HYDIN: variants seen among roughly 807,000 people sequenced by gnomAD.
The protein encoded by HYDIN is axonemal central pair apparatus protein HYDIN.
Under a neutral mutation model 403.9 loss-of-function variants are expected in HYDIN, and 132 were observed. The ratio of observed to expected loss-of-function variants is 0.33; its 90% CI spans 0.28 to 0.38. The LOEUF (loss-of-function observed/expected upper bound fraction) is 0.38, where lower values mean the gene tolerates loss of function less well. HYDIN is among the 10% of genes least tolerant of loss of function. The pLI is 1.00. For synonymous variants in HYDIN, 1,202 were observed against 1,891.7 expected (o/e 0.64, Z 9.46); for missense variants, 2,827 against 5,009.5 (o/e 0.56, Z 13.15).
Position 70,860,715 on chromosome 16 carries a change from A to G in HYDIN, c.11964T>C (p.Thr3988=). 1.8e-6 allele frequency: 1 copy of G among 551,202 alleles called. No individual in the cohort carries two copies. The highest frequency in any genetic ancestry group is 3.1e-6 in the Non-Finnish European group (1 of 322,084). 34.1% of individuals were successfully genotyped at this position (551,202 alleles called of 1,614,324 possible). A position where few individuals can be genotyped will look rare whatever the true frequency, so the allele number is the denominator to read the frequency against. ...DPNTRVIEFT[T]VGIGGKNLRT... The stretch of plus-strand genomic sequence containing the variant: ...GGAGATTCTTCCCTCCTATGCCCAC[A>G]GTGGTGAACTCAATCACCCGGGTGT... Residue 3988 remains threonine (T), a synonymous_variant, in exon 70 of 86, where the codon ACT becomes ACC. Coordinates refer to ENST00000393567, the MANE Select transcript of HYDIN (RefSeq NM_001270974.2).
At chr16:70,812,697 T>G (rs2035583344) in intron 84 of HYDIN, among the ~76,000 whole-genome samples, 1 of 152,216 alleles carries the variant, frequency 6.6e-6, no homozygotes, top group Non-Finnish European at 1.5e-5. Context: ...TAAATGCTAT[T>G]GAGAGAAATT....
At chr16:70,909,727 G>T (rs933102516) in intron 47 of HYDIN, among the ~76,000 whole-genome samples, 1 of 119,490 alleles carries the variant, frequency 8.4e-6, no homozygotes, top group African/African-American at 3.3e-5. Flanking sequence ...ATAGAGTCTC[G>T]CTTTGTCGCC....
intron 43 of HYDIN, among the ~76,000 whole-genome samples, chr16:70,940,784 C>G (rs2077646878): frequency 6.6e-6 from 1 of 152,200 alleles, no homozygotes; most frequent in African/African-American, 2.4e-5. Context: ...TAAGTATTTC[C>G]TTAATTGGAA....
At chr16:70,996,263 C>G (rs200937898) in intron 23 of HYDIN, among the ~76,000 whole-genome samples, 11,958 of 143,474 alleles carry the variant, frequency 0.083, no homozygotes, top group African/African-American at 0.11. Context: ...ACCTCAAGAA[C>G]CACACTCTCG....
At chr16:71,102,655 G>A (rs1480190509) in intron 10 of HYDIN, among the ~76,000 whole-genome samples, 1 of 151,972 alleles carries the variant, frequency 6.6e-6, no homozygotes, top group East Asian at 1.9e-4. Flanking sequence ...TGACAAGACA[G>A]ATTTGTTTCG....
At chr16:70,993,312 G>A (rs1370121361) in intron 23 of HYDIN, among the ~76,000 whole-genome samples, 2 of 152,028 alleles carry the variant, frequency 1.3e-5, no homozygotes, top group Non-Finnish European at 2.9e-5. Context: ...CACATCTGTG[G>A]AACTATCACC....
At chr16:71,017,232 C>T (rs1449764066) in intron 23 of HYDIN, among the ~76,000 whole-genome samples, 3 of 151,066 alleles carry the variant, frequency 2.0e-5, no homozygotes, top group African/African-American at 4.9e-5. Context: ...CACCTGTAAT[C>T]CCAGCTACTT....
intron 77 of HYDIN, among the ~76,000 whole-genome samples, chr16:70,837,163 T>C (rs928697909): frequency 2.6e-5 from 4 of 152,150 alleles, no homozygotes; most frequent in African/African-American, 9.7e-5. Flanking sequence ...TCCCTTTCTA[T>C]CCAGAGTGCC....
At chr16:70,859,865 G>T (rs2039294269) in intron 71 of HYDIN, among the ~76,000 whole-genome samples, 1 of 152,030 alleles carries the variant, frequency 6.6e-6, no homozygotes, top group African/African-American at 2.4e-5. Flanking sequence ...GCTTCTCCAT[G>T]GCTAGCCAAG....
intron 57 of HYDIN, among the ~76,000 whole-genome samples, chr16:70,890,930 G>A (rs974954104): frequency 2.0e-5 from 3 of 150,534 alleles, no homozygotes; most frequent in Non-Finnish European, 3.0e-5. Flanking sequence ...GCACTGCTAC[G>A]ATTTCTTTTG....
rs10639036 is a variant in HYDIN at position 71,152,231 on chromosome 16, A to AT, written c.841+427dup. On this transcript the variant is annotated intron_variant, in intron 7 of 85. Transcript: ENST00000393567. ...CACATCATTTCTACTGGAGGCATTC[A>AT]TTTTTTTTTTTTTATCTTGTGGATC... Among the ~76,000 whole-genome samples the AT allele has an allele frequency of 9.4e-4, 136 of 145,066 alleles. No individual in the cohort carries two copies. The Middle Eastern group carries it at 0.011, about 11-fold the overall frequency.
At chr16:70,994,266 CATGGATGGATGGATGGATGGATGGATGG>C (rs34567184) in intron 23 of HYDIN, among the ~76,000 whole-genome samples, 2 of 136,560 alleles carry the variant, frequency 1.5e-5, no homozygotes, top group African/African-American at 5.3e-5. Flanking sequence ...TGGATGGATG[CATGGATGGATGGATGGATGGATGGATGG>C]ATGGATGGAT....
At chr16:71,002,688 T>G (rs2079759641) in intron 23 of HYDIN, among the ~76,000 whole-genome samples, 1 of 149,102 alleles carries the variant, frequency 6.7e-6, no homozygotes, top group South Asian at 2.1e-4. Context: ...AATTTTTTTT[T>G]TTTTTTTGAG....
chr16:71,180,326 G>C (rs7498840), intron 3 of HYDIN, among the ~76,000 whole-genome samples: 53,076 of 151,798 alleles, frequency 0.35, 9,734 homozygotes, highest in East Asian at 0.57. Flanking sequence ...AGAAGAAACA[G>C]AACATCTGAA....
At chr16:70,900,631 T>G (rs1597264488) in intron 53 of HYDIN, among the ~76,000 whole-genome samples, 1 of 147,930 alleles carries the variant, frequency 6.8e-6, no homozygotes, top group South Asian at 2.2e-4. Context: ...TTTCCCCAGA[T>G]AGGAATCCGA....
chr16:70,895,070 C>T (rs2076164110), intron 54 of HYDIN, among the ~76,000 whole-genome samples: 2 of 150,728 alleles, frequency 1.3e-5, no homozygotes, highest in Admixed American at 1.3e-4. Flanking sequence ...AAAAATGCTG[C>T]AATAAAAGAT....
chr16:70,810,548 G>A (rs1197602904), intron 84 of HYDIN, among the ~76,000 whole-genome samples: 2 of 152,150 alleles, frequency 1.3e-5, no homozygotes, highest in Non-Finnish European at 2.9e-5. Flanking sequence ...GAGGTAGAGC[G>A]GGGCCTGGTG....
intron 1 of HYDIN, among the ~76,000 whole-genome samples, chr16:71,199,041 G>C (rs1049029583): frequency 4.6e-5 from 7 of 152,146 alleles, no homozygotes; most frequent in Non-Finnish European, 1.0e-4. Context: ...TGTCATGATA[G>C]CTCATTGTGG....
intron 10 of HYDIN, among the ~76,000 whole-genome samples, chr16:71,100,668 TA>T (rs1210395744): frequency 6.6e-6 from 1 of 152,202 alleles, no homozygotes; most frequent in African/African-American, 2.4e-5. Context: ...TGTAGGGAGC[TA>T]AATCAGCTGA....
Sources: gnomAD v4.1 joint callset for allele counts (sites outside exome capture counted in the v4.1 genomes callset) on GRCh38, gnomAD v4.1.1 for gene constraint, MANE v1.5 for transcripts, NCBI Gene and HGNC (gene_info 2026-07-23, HGNC 2026-07-21) for gene names.